VRK2: variants seen among roughly 807,000 people sequenced by gnomAD.
VRK2 encodes serine/threonine-protein kinase VRK2.
In VRK2, 60 loss-of-function variants were observed where a neutral mutation model predicts 57.6. That is an observed-to-expected ratio of 1.04 (90% CI 0.85 to 1.29). VRK2 has a LOEUF of 1.29. Ranked by LOEUF, VRK2 falls within the 50% of genes most tolerant of loss-of-function variation. The pLI, the probability that VRK2 is intolerant of heterozygous loss-of-function variation, is 0.00. For missense variants in VRK2, 705 were observed against 588.1 expected (o/e 1.20, Z -2.06); for synonymous variants, 231 against 199.2 (o/e 1.16, Z -1.35).
At chr2:58,029,937 C>A (rs1446442021) in intron 2 of VRK2, among the ~76,000 whole-genome samples, 1 of 152,106 alleles carries the variant, frequency 6.6e-6, no homozygotes, top group Non-Finnish European at 1.5e-5. Context: ...TTGTCTGGTC[C>A]AGTCTAAAGA....
intron 1 of VRK2, among the ~76,000 whole-genome samples, chr2:57,964,861 C>G (rs1671865634): frequency 1.1e-5 from 1 of 92,444 alleles, no homozygotes. Flanking sequence ...GCCTGGGTGA[C>G]AGAATGAGAA....
chr2:58,134,079 C>G (rs1679613745), intron 9 of VRK2, among the ~76,000 whole-genome samples: 1 of 152,132 alleles, frequency 6.6e-6, no homozygotes, highest in South Asian at 2.1e-4. Context: ...GAAGCCACCT[C>G]AGAAGCCAAG....
At chr2:57,954,327 T>C (rs573698649) in intron 1 of VRK2, among the ~76,000 whole-genome samples, 3 of 152,152 alleles carry the variant, frequency 2.0e-5, no homozygotes, top group African/African-American at 4.8e-5. Flanking sequence ...ACAGTGGAAA[T>C]TGTATGCAAG....
chr2:58,121,078 T>G (rs1395606150), intron 7 of VRK2, among the ~76,000 whole-genome samples: 1 of 152,174 alleles, frequency 6.6e-6, no homozygotes, highest in Admixed American at 6.5e-5. Context: ...AGAATTGCCA[T>G]AGATTCCTGA....
intron 2 of VRK2, among the ~76,000 whole-genome samples, chr2:58,053,861 G>C (rs1371805549): frequency 6.6e-6 from 1 of 152,090 alleles, no homozygotes; most frequent in Non-Finnish European, 1.5e-5. Flanking sequence ...GGAGTGAAGA[G>C]AAGAATTGAA....
chr2:58,146,903 G>A (rs1227335348), intron 12 of VRK2, among the ~76,000 whole-genome samples: 1 of 151,872 alleles, frequency 6.6e-6, no homozygotes, highest in Non-Finnish European at 1.5e-5. Flanking sequence ...GGCGGAGAGT[G>A]ACTCACCTTT....
chr2:57,988,999 C>G (rs187095051), intron 1 of VRK2, among the ~76,000 whole-genome samples: 16 of 152,154 alleles, frequency 1.1e-4, no homozygotes, highest in Middle Eastern at 6.3e-3. Context: ...CAATTTCTTC[C>G]TATTGCTCCC....
At chr2:57,979,973 C>A (rs1558523761) in intron 1 of VRK2, among the ~76,000 whole-genome samples, 1 of 152,128 alleles carries the variant, frequency 6.6e-6, no homozygotes, top group South Asian at 2.1e-4. Flanking sequence ...CTTATTAATT[C>A]TTTCAAAGAA....
At chr2:57,994,230 G>A (rs1672855967) in intron 1 of VRK2, among the ~76,000 whole-genome samples, 1 of 152,048 alleles carries the variant, frequency 6.6e-6, no homozygotes, top group South Asian at 2.1e-4. Context: ...TAGCTTTCTG[G>A]GAAGAAAATA....
intron 2 of VRK2, among the ~76,000 whole-genome samples, chr2:58,074,365 GTTTTTTATCTGT>G (rs1558599067): frequency 6.6e-6 from 1 of 151,620 alleles, no homozygotes; most frequent in African/African-American, 2.4e-5. Flanking sequence ...TTCTTTCTTG[GTTTTTTATCTGT>G]TTTTTTTGCC....
chr2:58,002,342 G>C (rs1165342621), intron 1 of VRK2, among the ~76,000 whole-genome samples: 2 of 152,102 alleles, frequency 1.3e-5, no homozygotes, highest in Admixed American at 6.6e-5. Flanking sequence ...GCCAGGTATG[G>C]TGGCATGCAC....
chr2:58,075,785 G>T (rs1182071880), intron 2 of VRK2, among the ~76,000 whole-genome samples: 1 of 152,050 alleles, frequency 6.6e-6, no homozygotes, highest in East Asian at 1.9e-4. Context: ...TTAGGTTCTG[G>T]CAAAGTAGTT....
At chr2:58,140,984 T>TA (rs1278198371) in intron 11 of VRK2, among the ~76,000 whole-genome samples, 1 of 152,056 alleles carries the variant, frequency 6.6e-6, no homozygotes, top group Non-Finnish European at 1.5e-5. Flanking sequence ...TCTCTCATGA[T>TA]ACAATTAGAT....
chr2:57,966,720 T>C (rs1202113682), intron 1 of VRK2, among the ~76,000 whole-genome samples: 2 of 152,132 alleles, frequency 1.3e-5, no homozygotes, highest in Non-Finnish European at 2.9e-5. Context: ...TACAAAATAT[T>C]AAAATAAGAA....
intron 1 of VRK2, among the ~76,000 whole-genome samples, chr2:57,921,770 G>A (rs541921197): frequency 7.2e-5 from 11 of 152,138 alleles, no homozygotes; most frequent in Admixed American, 5.2e-4. Flanking sequence ...CATAAGCTAG[G>A]AGTTGCTATG....
rs181316717 is a variant in VRK2, at chr2:58,041,565, T to A, written c.-5-7262T>A. Among the ~76,000 whole-genome samples, 43 of 152,156 alleles carry A rather than the reference T, an allele frequency of 2.8e-4. 1 individual carries two copies. In the East Asian group the frequency reaches 8.3e-3, roughly 29 times the overall value. On this transcript the variant is annotated intron_variant, in intron 3 of 15. Coordinates refer to the VRK2 transcript ENST00000417641. ...ACAGATACCAGGCCCTGAAAAAAAA[T>A]GAAGCAGTTTATCCCCAAATATATT...
chr2:57,922,504 T>C (rs560176024), intron 1 of VRK2, among the ~76,000 whole-genome samples: 3 of 151,290 alleles, frequency 2.0e-5, no homozygotes, highest in East Asian at 1.9e-4. Context: ...AATATTCAAA[T>C]ACAATTGTAA....
At chr2:57,996,895 AT>A (rs57809846) in intron 1 of VRK2, among the ~76,000 whole-genome samples, 10 of 151,702 alleles carry the variant, frequency 6.6e-5, no homozygotes, top group South Asian at 4.2e-4. Flanking sequence ...TATTGTTTTC[AT>A]TTTTTTTCCT....
intron 1 of VRK2, among the ~76,000 whole-genome samples, chr2:57,910,920 C>T (rs557543598): frequency 5.9e-5 from 9 of 152,240 alleles, no homozygotes; most frequent in South Asian, 4.2e-4. Flanking sequence ...GGCCCAGGAA[C>T]ACAGAGTTTG....
Sources: allele counts gnomAD v4.1 joint callset (sites outside exome capture counted in the v4.1 genomes callset), GRCh38; gene constraint gnomAD v4.1.1; transcripts MANE v1.5; gene names NCBI Gene and HGNC (gene_info 2026-07-23, HGNC 2026-07-21).